The following ZBTB4 variants were observed in gnomAD, a reference collection of about 807,000 sequenced individuals.
The protein encoded by ZBTB4 is zinc finger and BTB domain containing 4.
Under a neutral mutation model 59.8 loss-of-function variants are expected in ZBTB4, and 14 were observed. The ratio of observed to expected loss-of-function variants is 0.23; its 90% confidence interval spans 0.15 to 0.37. ZBTB4 has a LOEUF of 0.37. Among genes scored for constraint, ZBTB4 ranks in the 10% least tolerant of loss-of-function variants. The probability of loss-of-function intolerance (pLI) is 1.00; values close to 1 mark genes in which losing one functional copy is unlikely to be tolerated. For missense variants in ZBTB4, 1,198 were observed against 1,380.8 expected, an observed-to-expected ratio of 0.87 and a Z score of 2.10; for synonymous variants, 587 against 575.2, an observed-to-expected ratio of 1.02 and a Z score of -0.29.
rs1278382542 is a variant in ZBTB4, at chr17:7,462,577, T to G, written c.2405A>C (p.Tyr802Ser). The G allele has an allele frequency of 1.2e-6, 2 of 1,613,262 alleles. No homozygotes were observed. Among genetic ancestry groups the G allele is most frequent in the Admixed American group, 3.3e-5 (2 of 59,984 alleles). Residue 802 changes from tyrosine (Y) to serine (S), a missense_variant, in exon 4 of 4, where the codon TAT (tyrosine) becomes TCT (serine). By Grantham distance (144) the Tyr-to-Ser change is moderately radical. Coordinates refer to ENST00000380599, the MANE Select transcript of ZBTB4 (RefSeq NM_001128833.2). The surrounding 1 kb of genome is among the most constrained non-coding windows in gnomAD (Gnocchi z 7.5). ...CCTGGTGCCAGCGCTGCCCTTGGAATAGGCAATGACAGGGGTTGGGGTGCC... is the reference window on the plus strand; with the variant it reads ...CCTGGTGCCAGCGCTGCCCTTGGAAGAGGCAATGACAGGGGTTGGGGTGCC... ...PGGTPTPVIA[Y>S]SKGSAGTRPG...
upstream of ZBTB4, among the ~76,000 whole-genome samples, chr17:7,481,714 G>C (rs939029355): frequency 1.3e-5 from 2 of 152,090 alleles, no homozygotes; most frequent in Non-Finnish European, 2.9e-5. Flanking sequence ...TCCTCAATCC[G>C]AGAGAGCATC....
chr17:7,475,627 A>G (rs6503022), intron 1 of ZBTB4, among the ~76,000 whole-genome samples: 29,692 of 151,926 alleles, frequency 0.2, 3,061 homozygotes, highest in South Asian at 0.28. Flanking sequence ...TAGTAGAGAC[A>G]GGGTTTCTCC....
upstream of ZBTB4, among the ~76,000 whole-genome samples, chr17:7,480,844 G>C (rs1487983701): frequency 6.6e-6 from 1 of 151,884 alleles, no homozygotes; most frequent in Non-Finnish European, 1.5e-5. Context: ...TGGAGTCATG[G>C]AGACATAAAT....
chr17:7,465,752 C>T lies in ZBTB4; in HGVS notation c.1050G>A (p.Glu350=). The T allele has an allele frequency of 6.2e-7, 1 of 1,613,604 alleles. No homozygotes were observed. The change falls in exon 3 of 4, where the codon GAG becomes GAA. Residue 350 remains glutamate (E), a synonymous_variant. Transcript: ENST00000380599. ...GCCACACTTCATGCTTCGTGCGGTA[C>T]TCCGCCAGAGCAAACACTTTCTCAC... ...RYCEKVFALA[E]YRTKHEVWHT... is the part of the protein sequence containing the mutation.
chr17:7,469,550 G>A (rs1375154253), intron 1 of ZBTB4, among the ~76,000 whole-genome samples: 1 of 149,708 alleles, frequency 6.7e-6, no homozygotes. Flanking sequence ...ATCATCTGAG[G>A]TCAGGAGTTC....
At chr17:7,482,257 C>T (rs1468128921), upstream of ZBTB4, 17 of 1,613,886 alleles carry the variant, frequency 1.1e-5, no homozygotes, top group East Asian at 2.2e-5. Context: ...AACTGCGTGG[C>T]GACCCCCTTC....
At position 7,470,500 on chromosome 17, in the gene ZBTB4, G is replaced by A. The variant is rs1247654394; in HGVS notation, c.-80-3173C>T. The stretch of plus-strand genomic sequence containing the variant: ...CCTGAAGTTCAGGAGCTCGAGACCA[G>A]CCTGGCCAACATGGTGAAACACCGT... On this transcript the variant is annotated intron_variant, in intron 1 of 3. Coordinates refer to ENST00000380599, the MANE Select transcript of ZBTB4 (RefSeq NM_001128833.2). Among the ~76,000 whole-genome samples, 5 of 152,136 alleles carry A rather than the reference G, an allele frequency of 3.3e-5. No homozygotes were observed. The East Asian group carries it at 9.7e-4, about 29-fold the overall frequency.
upstream of ZBTB4, among the ~76,000 whole-genome samples, chr17:7,481,694 T>C (rs543344394): frequency 3.3e-5 from 5 of 152,290 alleles, no homozygotes; most frequent in African/African-American, 1.2e-4. Flanking sequence ...CATCTGAGGC[T>C]TCCTCCCCTT....
intron 3 of ZBTB4, among the ~76,000 whole-genome samples, chr17:7,464,676 A>G (rs965966237): frequency 1.3e-5 from 2 of 151,856 alleles, no homozygotes; most frequent in African/African-American, 4.8e-5. Context: ...TGTCTCTACT[A>G]AAAATACAAA....
At chr17:7,473,119 T>C (rs2070222249) in intron 1 of ZBTB4, among the ~76,000 whole-genome samples, 1 of 145,696 alleles carries the variant, frequency 6.9e-6, no homozygotes, top group South Asian at 2.3e-4. Flanking sequence ...CATTTTTTTT[T>C]TTTTTTTTTT....
intron 1 of ZBTB4, among the ~76,000 whole-genome samples, chr17:7,472,640 T>TC (rs1411773205): frequency 7.7e-6 from 1 of 129,202 alleles, no homozygotes; most frequent in African/African-American, 3.0e-5. Flanking sequence ...CATTCTTTTT[T>TC]TTTTTTTTTT....
chr17:7,481,107 C>T (rs2070339205), upstream of ZBTB4, among the ~76,000 whole-genome samples: 1 of 144,272 alleles, frequency 6.9e-6, no homozygotes, highest in Non-Finnish European at 1.5e-5. Context: ...TGCGGTGAGC[C>T]GAGATTGCAC....
At chr17:7,473,405 G>A (rs560930614) in intron 1 of ZBTB4, among the ~76,000 whole-genome samples, 26 of 151,882 alleles carry the variant, frequency 1.7e-4, no homozygotes, top group African/African-American at 3.6e-4. Context: ...ATGAGCCACC[G>A]CGCCTGGCCA....
At position 7,460,119 on chromosome 17, in the gene ZBTB4, T is replaced by G. The variant is rs1456325340; in HGVS notation, c.*1821A>C. 2 of 152,628 alleles carry G rather than the reference T, an allele frequency of 1.3e-5. No individual in the cohort carries two copies. Among genetic ancestry groups the G allele is most frequent in the East Asian group, 1.9e-4 (1 of 5,192 alleles). 9.5% of individuals were successfully genotyped at this position (152,628 alleles called of 1,614,324 possible). On this transcript the variant is annotated 3_prime_UTR_variant, in exon 4 of 4. Coordinates refer to ENST00000380599, the MANE Select transcript of ZBTB4 (RefSeq NM_001128833.2). ...TGTGGGAATTTTTAGTGATTTTTTT[T>G]TTTGTGTGTTTTTCCCCATTTGAAA...
At position 7,459,572 on chromosome 17, in the gene ZBTB4, T is replaced by C. The variant is rs1356619599; in HGVS notation, c.*2368A>G. On this transcript the variant is annotated 3_prime_UTR_variant, in exon 4 of 4. Coordinates refer to ENST00000380599, the MANE Select transcript of ZBTB4 (RefSeq NM_001128833.2). Reference sequence around the variant, plus strand: ...CCACCACCCGTCTTCCCAGGGAACATGGGGAAAGAGGGCACGAACTGACAA... The same window carrying C: ...CCACCACCCGTCTTCCCAGGGAACACGGGGAAAGAGGGCACGAACTGACAA... 6.6e-6 allele frequency: 1 copy of C among 152,208 alleles called. No individual in the cohort carries two copies. Among genetic ancestry groups the C allele is most frequent in the Non-Finnish European group, 1.5e-5 (1 of 68,024 alleles). The allele number at this position is 152,208 out of a possible 1,614,324, so 9.4% of individuals were successfully genotyped here.
At chr17:7,464,883 G>A (rs1183508121) in intron 3 of ZBTB4, among the ~76,000 whole-genome samples, 7 of 150,408 alleles carry the variant, frequency 4.7e-5, no homozygotes, top group African/African-American at 7.3e-5. Context: ...GCCGCCGGGC[G>A]CGGTGGCTCA....
upstream of ZBTB4, chr17:7,482,581 A>G: frequency 6.2e-7 from 1 of 1,612,250 alleles, no homozygotes; most frequent in Non-Finnish European, 8.5e-7. Flanking sequence ...CTTTCGTGGG[A>G]GGACTGGCGC....
chr17:7,474,124 C>T (rs1205402861), intron 1 of ZBTB4, among the ~76,000 whole-genome samples: 2 of 151,964 alleles, frequency 1.3e-5, no homozygotes, highest in African/African-American at 4.8e-5. Flanking sequence ...ACCATGTTGA[C>T]CAGGCTGGTC....
upstream of ZBTB4, chr17:7,482,435 A>C: frequency 6.2e-7 from 1 of 1,613,942 alleles, no homozygotes; most frequent in Non-Finnish European, 8.5e-7. Flanking sequence ...CTGCCTTGAG[A>C]GCCAGGGTCT....
Sources: allele counts gnomAD v4.1 joint callset (sites outside exome capture counted in the v4.1 genomes callset), GRCh38; gene constraint gnomAD v4.1.1; non-coding constraint Gnocchi (gnomAD v3.1); transcripts MANE v1.5; gene names NCBI Gene and HGNC (gene_info 2026-07-23, HGNC 2026-07-21).